Variants in OTOP1 observed in about 807,000 individuals in gnomAD.
OTOP1 encodes the protein proton channel OTOP1.
OTOP1 carries 59 observed loss-of-function variants against 52.9 expected under a neutral mutation model. That is an observed-to-expected ratio of 1.12 (90% CI 0.91 to 1.39). The LOEUF is 1.39. Ranked by LOEUF, OTOP1 falls within the 40% of genes most tolerant of loss-of-function variation. The pLI, the probability that OTOP1 is intolerant of heterozygous loss-of-function variation, is 0.00. For missense variants in OTOP1, 761 were observed against 800.9 expected, an observed-to-expected ratio of 0.95 and a Z score of 0.60; for synonymous variants, 317 against 337.7, an observed-to-expected ratio of 0.94 and a Z score of 0.67.
chr4:4,224,891 G>A (rs1717390862), intron 1 of OTOP1, among the ~76,000 whole-genome samples: 1 of 152,244 alleles, frequency 6.6e-6, no homozygotes, highest in Non-Finnish European at 1.5e-5. Context: ...TTGTGAAGAA[G>A]GTGGCATCTG....
At chr4:4,190,292 G>C (rs1486624229) in intron 5 of OTOP1, among the ~76,000 whole-genome samples, 1 of 152,104 alleles carries the variant, frequency 6.6e-6, no homozygotes, top group African/African-American at 2.4e-5. Flanking sequence ...GGCCAACATG[G>C]TGAAACCCCA....
intron 4 of OTOP1, among the ~76,000 whole-genome samples, chr4:4,201,953 G>A (rs370800808): frequency 6.6e-6 from 1 of 152,132 alleles, no homozygotes; most frequent in Non-Finnish European, 1.5e-5. Flanking sequence ...GGAACAAGGT[G>A]GAACAGACAT....
chr4:4,201,434 AT>A (rs1222637511), intron 4 of OTOP1, among the ~76,000 whole-genome samples: 13 of 151,116 alleles, frequency 8.6e-5, no homozygotes, highest in African/African-American at 2.9e-4. Flanking sequence ...CTCAAAAAAA[AT>A]AAATAAAATA....
chr4:4,194,359 C>T (rs937369996), intron 5 of OTOP1, among the ~76,000 whole-genome samples: 14 of 152,344 alleles, frequency 9.2e-5, no homozygotes, highest in African/African-American at 2.9e-4. Context: ...ATTCTTGGTT[C>T]ACTGCTGTGC....
rs985222595 is a variant in OTOP1 at position 4,212,185 on chromosome 4, G to A, written c.540+683C>T. Among the ~76,000 whole-genome samples, 23 of 152,146 alleles carry A rather than the reference G, an allele frequency of 1.5e-4. 1 individual carries two copies. The highest frequency in any genetic ancestry group is 3.9e-4 in the African/African-American group (16 of 41,440). The stretch of plus-strand genomic sequence containing the variant: ...ATTACCATGGATTTCTGCCAAAGGC[G>A]AACACTACCCTGAAGACCCATCTAA... On this transcript the variant is annotated intron_variant, in intron 2 of 5. Transcript: ENST00000296358.
At chr4:4,218,567 A>ATCT (rs1717199573) in intron 1 of OTOP1, among the ~76,000 whole-genome samples, 1 of 152,170 alleles carries the variant, frequency 6.6e-6, no homozygotes, top group South Asian at 2.1e-4. Context: ...AGCAGCAAAC[A>ATCT]TCTTGGAGTG....
At position 4,197,480 on chromosome 4, in the gene OTOP1, C is replaced by G; in HGVS notation, c.1354G>C (p.Glu452Gln). 6.2e-7 allele frequency: 1 copy of G among 1,614,084 alleles called. No individual in the cohort carries two copies. The highest frequency in any genetic ancestry group is 8.5e-7 in the Non-Finnish European group (1 of 1,180,022). ...FIFESIHREP[E>Q]KLSEDIQTLR... The stretch of plus-strand genomic sequence containing the variant: ...GTTTGGATGTCCTCAGAGAGTTTTT[C>G]AGGCTCTCGGTGAATGGATTCAAAG... Residue 452 changes from glutamate (E) to glutamine (Q), a missense_variant, in exon 5 of 6, where the codon GAA (glutamate) becomes CAA (glutamine). Coordinates refer to ENST00000296358, the MANE Select transcript of OTOP1 (RefSeq NM_177998.3).
At chr4:4,215,615 G>T (rs544375213) in intron 1 of OTOP1, among the ~76,000 whole-genome samples, 1 of 151,944 alleles carries the variant, frequency 6.6e-6, no homozygotes, top group African/African-American at 2.4e-5. Context: ...AGCCGAGATC[G>T]CATGATTGCA....
chr4:4,219,509 G>A (rs1178352420), intron 1 of OTOP1, among the ~76,000 whole-genome samples: 1 of 151,840 alleles, frequency 6.6e-6, no homozygotes, highest in African/African-American at 2.4e-5. Context: ...AGACCATCCT[G>A]GCCAACACGG....
intron 5 of OTOP1, among the ~76,000 whole-genome samples, chr4:4,194,061 T>A (rs1716570543): frequency 6.6e-6 from 1 of 152,074 alleles, no homozygotes; most frequent in South Asian, 2.1e-4. Context: ...GGTGGTTGCA[T>A]GCCTGTAGTC....
intron 5 of OTOP1, among the ~76,000 whole-genome samples, chr4:4,191,659 T>C (rs1377465473): frequency 1.3e-5 from 2 of 152,192 alleles, no homozygotes; most frequent in East Asian, 3.8e-4. Context: ...CTCACTAAGC[T>C]GGTCCCTCTG....
intron 4 of OTOP1, among the ~76,000 whole-genome samples, chr4:4,199,233 TGA>T (rs71600542): frequency 0.013 from 1,262 of 98,478 alleles, 79 homozygotes; most frequent in African/African-American, 0.026. Context: ...TGTGTGTGTG[TGA>T]GAGAGAGAGA....
intron 1 of OTOP1, among the ~76,000 whole-genome samples, chr4:4,219,520 T>A (rs530601932): frequency 2.0e-5 from 3 of 151,860 alleles, no homozygotes; most frequent in African/African-American, 7.2e-5. Flanking sequence ...GCCAACACGG[T>A]GAAACCCCGT....
intron 1 of OTOP1, among the ~76,000 whole-genome samples, chr4:4,224,642 C>CTAAAACAACCAT (rs2108808080): frequency 6.6e-6 from 1 of 152,286 alleles, no homozygotes; most frequent in South Asian, 2.1e-4. Context: ...ATTAACTTCC[C>CTAAAACAACCAT]TAAAACAACC....
chr4:4,220,098 T>TGTATAC (rs1717265156), intron 1 of OTOP1, among the ~76,000 whole-genome samples: 1 of 106,360 alleles, frequency 9.4e-6, no homozygotes, highest in African/African-American at 4.2e-5. Flanking sequence ...TATATATATA[T>TGTATAC]ATATATATTT....
chr4:4,217,333 G>T (rs1717175362), intron 1 of OTOP1, among the ~76,000 whole-genome samples: 1 of 152,196 alleles, frequency 6.6e-6, no homozygotes, highest in Non-Finnish European at 1.5e-5. Context: ...ATATCAGAGA[G>T]ATGAGCTGGC....
intron 4 of OTOP1, among the ~76,000 whole-genome samples, chr4:4,199,276 G>GAGAGAGAGAGAGAGA (rs1716725020): frequency 2.6e-4 from 35 of 134,196 alleles, no homozygotes; most frequent in African/African-American, 9.5e-4. Flanking sequence ...GAGAGAGAGA[G>GAGAGAGAGAGAGAGA]GAACAGCTCA....
chr4:4,207,669 G>A (rs1470657733), intron 2 of OTOP1, among the ~76,000 whole-genome samples: 1 of 151,918 alleles, frequency 6.6e-6, no homozygotes, highest in South Asian at 2.1e-4. Flanking sequence ...CATGTTCATA[G>A]CAGCATTATT....
intron 5 of OTOP1, among the ~76,000 whole-genome samples, chr4:4,194,076 C>A (rs1169771479): frequency 3.3e-5 from 5 of 152,078 alleles, no homozygotes; most frequent in Non-Finnish European, 5.9e-5. Flanking sequence ...GTAGTCCCAC[C>A]TCCTCGGGAT....
Sources: allele counts gnomAD v4.1 joint callset (sites outside exome capture counted in the v4.1 genomes callset), GRCh38; gene constraint gnomAD v4.1.1; transcripts MANE v1.5; gene names NCBI Gene and HGNC (gene_info 2026-07-23, HGNC 2026-07-21).